Variants in RCL1 observed in about 807,000 individuals in gnomAD.
The protein encoded by RCL1 is RNA 3'-terminal phosphate cyclase-like protein.
A neutral mutation model predicts 42.4 loss-of-function variants in RCL1; 24 were observed. The ratio of observed to expected loss-of-function variants is 0.57; its 90% confidence interval spans 0.41 to 0.80. The LOEUF (loss-of-function observed/expected upper bound fraction) is 0.80. Ranked by LOEUF, RCL1 falls within the 30% of genes least tolerant of loss-of-function variation. The probability of loss-of-function intolerance (pLI) is 0.00; values close to 1 mark genes in which losing one functional copy is unlikely to be tolerated. For synonymous variants in RCL1, 228 were observed against 177.3 expected, an observed-to-expected ratio of 1.29 and a Z score of -2.27; for missense variants, 578 against 467.9, an observed-to-expected ratio of 1.24 and a Z score of -2.17.
intron 2 of RCL1, among the ~76,000 whole-genome samples, chr9:4,823,892 C>T (rs1292081047): frequency 6.6e-6 from 1 of 150,526 alleles, no homozygotes; most frequent in Non-Finnish European, 1.5e-5. Flanking sequence ...ATAATAAAAG[C>T]ATATCATTCT....
intron 8 of RCL1, among the ~76,000 whole-genome samples, chr9:4,852,864 G>A (rs1817798661): frequency 6.6e-6 from 1 of 151,940 alleles, no homozygotes. Flanking sequence ...ACCCCAGGAG[G>A]CCTAGTAAAC....
At chr9:4,857,338 A>G (rs957279852) in intron 8 of RCL1, among the ~76,000 whole-genome samples, 1 of 152,006 alleles carries the variant, frequency 6.6e-6, no homozygotes, top group South Asian at 2.1e-4. Context: ...GCTTTTTCAT[A>G]TTGTGTAGAT....
In RCL1 at chr9:4,860,169, T is replaced by C; in HGVS notation, c.1016T>C (p.Phe339Ser). 1 of 1,610,086 alleles carries C rather than the reference T, an allele frequency of 6.2e-7. No individual in the cohort carries two copies. The highest frequency in any genetic ancestry group is 1.7e-4 in the Middle Eastern group (1 of 6,052). The change falls in exon 9 of 9, where the codon TTT (phenylalanine) becomes TCT (serine). Residue 339 changes from phenylalanine (F) to serine (S), a missense_variant. Phe to Ser is a radical substitution (Grantham distance 155, BLOSUM62 -2). Transcript: ENST00000381750. Reference protein sequence around the residue: ...RHLKSFFQIMFKIETKPCGEE... With the variant: ...RHLKSFFQIMSKIETKPCGEE... Reference sequence around the variant, plus strand: ...TTGAAGAGCTTTTTCCAGATTATGTTTAAAATTGAAACCAAGCCATGTGGT... The same window carrying C: ...TTGAAGAGCTTTTTCCAGATTATGTCTAAAATTGAAACCAAGCCATGTGGT...
chr9:4,837,103 G>T (rs1050367348), intron 5 of RCL1, among the ~76,000 whole-genome samples: 1 of 152,152 alleles, frequency 6.6e-6, no homozygotes, highest in Non-Finnish European at 1.5e-5. Flanking sequence ...AATCCGAGGA[G>T]CTGGAATAAG....
chr9:4,826,611 G>T (rs184125210), intron 2 of RCL1, among the ~76,000 whole-genome samples: 2 of 152,218 alleles, frequency 1.3e-5, no homozygotes, highest in South Asian at 4.1e-4. Context: ...TGGCAACTCA[G>T]ATGGCTCAGA....
intron 8 of RCL1, among the ~76,000 whole-genome samples, chr9:4,851,964 T>C (rs1199324292): frequency 6.8e-6 from 1 of 147,378 alleles, no homozygotes; most frequent in Admixed American, 7.1e-5. Flanking sequence ...CACTGCAAGC[T>C]CCGCCTCCCG....
chr9:4,839,692 A>G (rs765963790), intron 5 of RCL1: 58 of 985,156 alleles, frequency 5.9e-5, no homozygotes, highest in Non-Finnish European at 6.7e-5. Flanking sequence ...TCCTCATTTC[A>G]GGTTTGTCCT....
intron 1 of RCL1, among the ~76,000 whole-genome samples, chr9:4,808,709 A>C (rs940427122): frequency 6.6e-6 from 1 of 152,220 alleles, no homozygotes; most frequent in East Asian, 1.9e-4. Flanking sequence ...TCAGGTATAA[A>C]AAACTTGAAA....
At chr9:4,822,877 A>G (rs1462469907) in intron 1 of RCL1, among the ~76,000 whole-genome samples, 2 of 152,196 alleles carry the variant, frequency 1.3e-5, no homozygotes, top group Admixed American at 6.5e-5. Context: ...AATCATTAAG[A>G]TAAAAACATT....
At chr9:4,811,644 G>T (rs551077930) in intron 1 of RCL1, among the ~76,000 whole-genome samples, 19 of 152,286 alleles carry the variant, frequency 1.2e-4, no homozygotes, top group Non-Finnish European at 2.4e-4. Context: ...ATGTGTTTGT[G>T]AATAGTGGTT....
chr9:4,831,312 T>A (rs905866516), intron 3 of RCL1, among the ~76,000 whole-genome samples: 9 of 148,800 alleles, frequency 6.0e-5, no homozygotes, highest in Non-Finnish European at 1.3e-4. Flanking sequence ...TTTTTTCACC[T>A]TTTTTTCCCT....
intron 1 of RCL1, among the ~76,000 whole-genome samples, chr9:4,810,658 G>C (rs1458487680): frequency 6.6e-6 from 1 of 152,036 alleles, no homozygotes; most frequent in Non-Finnish European, 1.5e-5. Context: ...GCACATATAT[G>C]TGTATGTCTC....
intron 2 of RCL1, among the ~76,000 whole-genome samples, 197 bp downstream of exon 2, chr9:4,823,816 G>T (rs1028587075): frequency 2.0e-5 from 3 of 151,768 alleles, no homozygotes; most frequent in Admixed American, 6.6e-5. Flanking sequence ...AGAATTTTGG[G>T]GGGACTTATA....
intron 1 of RCL1, among the ~76,000 whole-genome samples, chr9:4,817,611 C>A (rs1474317703): frequency 6.6e-6 from 1 of 151,914 alleles, no homozygotes; most frequent in Non-Finnish European, 1.5e-5. Context: ...CAACCCTGCC[C>A]CCCTGAGTAG....
intron 4 of RCL1, among the ~76,000 whole-genome samples, chr9:4,833,560 G>C (rs1817022084): frequency 6.6e-6 from 1 of 152,192 alleles, no homozygotes; most frequent in Non-Finnish European, 1.5e-5. Context: ...GGCCATATTG[G>C]CTCTCTGATC....
At chr9:4,847,487 G>T (rs1817561786) in intron 7 of RCL1, among the ~76,000 whole-genome samples, 1 of 152,098 alleles carries the variant, frequency 6.6e-6, no homozygotes, top group East Asian at 1.9e-4. Flanking sequence ...TTCTGTCCCA[G>T]GCTTTCTGGA....
chr9:4,829,150 T>C (rs1449266645), intron 3 of RCL1, among the ~76,000 whole-genome samples: 1 of 152,184 alleles, frequency 6.6e-6, no homozygotes, highest in East Asian at 1.9e-4. Flanking sequence ...ACCCTTGGGC[T>C]CGATAGAGGT....
chr9:4,805,499 G>A (rs1210350002), intron 1 of RCL1, among the ~76,000 whole-genome samples: 1 of 151,962 alleles, frequency 6.6e-6, no homozygotes, highest in Non-Finnish European at 1.5e-5. Context: ...GTTGGAGACA[G>A]CTTTAAAAAA....
At chr9:4,837,694 G>C (rs994579328) in intron 5 of RCL1, among the ~76,000 whole-genome samples, 3 of 152,146 alleles carry the variant, frequency 2.0e-5, no homozygotes, top group Non-Finnish European at 4.4e-5. Context: ...TTCCAGGGGA[G>C]AACATAAAAG....
Sources: gnomAD v4.1 joint callset for allele counts (sites outside exome capture counted in the v4.1 genomes callset) on GRCh38, gnomAD v4.1.1 for gene constraint, MANE v1.5 for transcripts, NCBI Gene and HGNC (gene_info 2026-07-23, HGNC 2026-07-21) for gene names.